Variants in VPS50 observed in about 807,000 individuals in gnomAD.
VPS50 encodes the protein syndetin.
Under a neutral mutation model 139.7 loss-of-function variants are expected in VPS50, and 70 were observed. The observed-to-expected ratio is 0.50, with a 90% CI of 0.41 to 0.61. The LOEUF (loss-of-function observed/expected upper bound fraction) is 0.61, where lower values mean the gene tolerates loss of function less well. Among genes scored for constraint, VPS50 ranks in the 20% least tolerant of loss-of-function variants. VPS50 has a pLI of 0.00. For missense variants in VPS50, 921 were observed against 1,133.7 expected (o/e 0.81, Z 2.69); for synonymous variants, 365 against 376.7 (o/e 0.97, Z 0.36).
chr7:93,276,180 C>A lies in VPS50; in HGVS notation c.817C>A (p.Leu273Ile). The A allele has an allele frequency of 6.2e-7, 1 of 1,611,746 alleles. No individual in the cohort carries two copies. Among genetic ancestry groups the A allele is most frequent in the African/African-American group, 1.3e-5 (1 of 74,922 alleles). Reference sequence around the variant, plus strand: ...CTTTCCACAGACAGCAATGGATCAACTTCATATGCACTTCACCCAAGCCAT... The same window carrying A: ...CTTTCCACAGACAGCAATGGATCAAATTCATATGCACTTCACCCAAGCCAT... ...LGKTQTAMDQ[L>I]HMHFTQAIHN... Residue 273 changes from leucine to isoleucine, a missense_variant, in exon 12 of 28, where the codon CTT becomes ATT. Coordinates refer to ENST00000305866, the MANE Select transcript of VPS50 (RefSeq NM_017667.4).
chr7:93,307,071 G>A (rs1584451772), intron 18 of VPS50, among the ~76,000 whole-genome samples: 1 of 151,906 alleles, frequency 6.6e-6, no homozygotes, highest in East Asian at 1.9e-4. Context: ...AACTTAGATA[G>A]CATTTGATTC....
chr7:93,343,044 G>A (rs1167285489), intron 23 of VPS50, among the ~76,000 whole-genome samples: 2 of 152,162 alleles, frequency 1.3e-5, no homozygotes, highest in Admixed American at 6.5e-5. Context: ...CGAGCTACGG[G>A]AGGACATTCA....
intron 12 of VPS50, among the ~76,000 whole-genome samples, chr7:93,277,717 A>T (rs1477000461): frequency 6.6e-6 from 1 of 152,156 alleles, no homozygotes; most frequent in Non-Finnish European, 1.5e-5. Flanking sequence ...AGATTTTATG[A>T]TTACTAACTT....
At chr7:93,345,385 A>G (rs952907140) in intron 23 of VPS50, among the ~76,000 whole-genome samples, 1 of 152,216 alleles carries the variant, frequency 6.6e-6, no homozygotes, top group South Asian at 2.1e-4. Context: ...TTCACAGCCA[A>G]ATTCTACCAG....
chr7:93,304,114 CTT>C (rs1057476387), intron 17 of VPS50, among the ~76,000 whole-genome samples: 1 of 151,768 alleles, frequency 6.6e-6, no homozygotes, highest in South Asian at 2.1e-4. Flanking sequence ...TTGAAAAAGT[CTT>C]TAATTGGTTT....
chr7:93,240,163 T>G, intron 2 of VPS50, among the ~76,000 whole-genome samples: 1 of 151,694 alleles, frequency 6.6e-6, no homozygotes, highest in Non-Finnish European at 1.5e-5. Context: ...CTTGATAAAT[T>G]TGGAATTTAT....
chr7:93,238,420 T>G (rs1260224995), intron 1 of VPS50, among the ~76,000 whole-genome samples: 1 of 152,092 alleles, frequency 6.6e-6, no homozygotes, highest in East Asian at 1.9e-4. Context: ...ACCTAATAAT[T>G]TACTCATTTC....
At chr7:93,308,118 A>AGATGATGATGAT (rs59549693) in intron 18 of VPS50, among the ~76,000 whole-genome samples, 4 of 150,196 alleles carry the variant, frequency 2.7e-5, no homozygotes, top group Non-Finnish European at 5.9e-5. Flanking sequence ...TGACATTAAT[A>AGATGATGATGAT]GATGATGATG....
chr7:93,327,848 G>A (rs1797826505), intron 21 of VPS50, among the ~76,000 whole-genome samples: 1 of 152,200 alleles, frequency 6.6e-6, no homozygotes, highest in Non-Finnish European at 1.5e-5. Flanking sequence ...ATCAGGTAAT[G>A]TGTAGAATGG....
intron 9 of VPS50, among the ~76,000 whole-genome samples, chr7:93,267,759 A>C (rs1028018439): frequency 1.3e-5 from 2 of 152,208 alleles, no homozygotes; most frequent in African/African-American, 4.8e-5. Context: ...AAGGATATTC[A>C]AGTTATTGTG....
chr7:93,265,066 C>G (rs917607991), intron 9 of VPS50, among the ~76,000 whole-genome samples: 1 of 152,152 alleles, frequency 6.6e-6, no homozygotes, highest in East Asian at 1.9e-4. Context: ...AAAAAGCAAA[C>G]AGTTTTCTTT....
At chr7:93,319,502 A>G (rs989796835) in intron 20 of VPS50, among the ~76,000 whole-genome samples, 5 of 152,172 alleles carry the variant, frequency 3.3e-5, no homozygotes, top group Non-Finnish European at 5.9e-5. Flanking sequence ...ATGACAATTT[A>G]GCTATGAATA....
intron 21 of VPS50, among the ~76,000 whole-genome samples, chr7:93,326,290 A>C (rs1797770775): frequency 9.9e-6 from 1 of 100,764 alleles, no homozygotes; most frequent in Non-Finnish European, 1.8e-5. Flanking sequence ...CACTCTGGGG[A>C]CTGTTGTGGG....
chr7:93,267,600 G>A (rs771715470), intron 9 of VPS50, among the ~76,000 whole-genome samples: 26 of 152,242 alleles, frequency 1.7e-4, no homozygotes, highest in Admixed American at 7.9e-4. Flanking sequence ...ACAGCCACAG[G>A]TATTCCTTAC....
At chr7:93,255,850 T>C (rs992501466) in intron 4 of VPS50, among the ~76,000 whole-genome samples, 3 of 152,194 alleles carry the variant, frequency 2.0e-5, no homozygotes, top group Admixed American at 6.5e-5. Flanking sequence ...ATACCTTCTG[T>C]GTGTCCTGCT....
At chr7:93,267,573 A>G (rs1359140536) in intron 9 of VPS50, among the ~76,000 whole-genome samples, 2 of 152,170 alleles carry the variant, frequency 1.3e-5, no homozygotes, top group African/African-American at 4.8e-5. Context: ...TGCCTTAAAC[A>G]CTTGTGCCTT....
At chr7:93,271,291 G>C in intron 10 of VPS50, 29 bp downstream of exon 10, 1 of 1,507,158 alleles carries the variant, frequency 6.6e-7, no homozygotes, top group Non-Finnish European at 8.8e-7. Context: ...TAACCTTAAT[G>C]AGTTTTTCTT....
intron 15 of VPS50, 74 bp from the exon 16 acceptor site, chr7:93,297,071 A>C: frequency 6.6e-7 from 1 of 1,507,260 alleles, no homozygotes; most frequent in Non-Finnish European, 8.8e-7. Context: ...TTATCTTTGA[A>C]GAAAGAGAAA....
In VPS50 at chr7:93,345,554, T is replaced by G. The variant is rs572733976; in HGVS notation, c.2208-3157T>G. Among the ~76,000 whole-genome samples, 79 of 152,296 alleles carry G rather than the reference T, an allele frequency of 5.2e-4. No homozygotes were observed. In the East Asian group the frequency reaches 0.013, roughly 25 times the overall value. On this transcript the variant is annotated intron_variant, in intron 23 of 27. Coordinates refer to ENST00000305866, the MANE Select transcript of VPS50 (RefSeq NM_017667.4). ...GAGAATTTTAGACCAATATCCTTGA[T>G]GAACATTGATGCAAAAATCCTTAAT...
Sources: allele counts gnomAD v4.1 joint callset (sites outside exome capture counted in the v4.1 genomes callset), GRCh38; gene constraint gnomAD v4.1.1; transcripts MANE v1.5; gene names NCBI Gene and HGNC (gene_info 2026-07-23, HGNC 2026-07-21).